Variants in CCDC18 observed in about 807,000 individuals in gnomAD.
CCDC18 encodes the protein coiled-coil domain-containing protein 18.
In CCDC18, 157 loss-of-function variants were observed where a neutral mutation model predicts 196.0. The ratio of observed to expected loss-of-function variants is 0.80; its 90% CI spans 0.70 to 0.91. The LOEUF is 0.91. Ranked by LOEUF, CCDC18 falls within the 40% of genes least tolerant of loss-of-function variation. The pLI is 0.00. For synonymous variants in CCDC18, 482 were observed against 529.2 expected (o/e 0.91, Z 1.22); for missense variants, 1,465 against 1,611.6 (o/e 0.91, Z 1.56).
chr1:93,228,507 TA>T (rs34585083), intron 17 of CCDC18, among the ~76,000 whole-genome samples: 39,190 of 141,590 alleles, frequency 0.28, 7,170 homozygotes, highest in African/African-American at 0.53. Flanking sequence ...CTTAGAAGTT[TA>T]AAAAAAAAAA....
chr1:93,233,900 A>C (rs1050001969), intron 18 of CCDC18, among the ~76,000 whole-genome samples: 2 of 149,530 alleles, frequency 1.3e-5, no homozygotes, highest in Non-Finnish European at 1.5e-5. Context: ...CCTGGCCTCT[A>C]TTTTTTTTCA....
rs181470439 is a variant in CCDC18 at position 93,251,465 on chromosome 1, C to T, written c.3199-3006C>T. ...ATTCCCTTTAGCATTTCTTGTAGGA[C>T]AGGTCTAGTAGCGACAAATTTCCTC... On this transcript the variant is annotated intron_variant, in intron 23 of 28. Coordinates refer to ENST00000690025, the MANE Select transcript of CCDC18 (RefSeq NM_001378204.1). 6.2e-4 allele frequency among the ~76,000 whole-genome samples: 95 copies of T among 152,180 alleles called. 1 individual carries two copies. Among genetic ancestry groups the T allele is most frequent in the African/African-American group, 2.2e-3 (92 of 41,528 alleles).
At position 93,186,495 on chromosome 1, in the gene CCDC18, A is replaced by C; in HGVS notation, c.454A>C (p.Arg152=). 6.3e-7 allele frequency: 1 copy of C among 1,596,170 alleles called. No individual in the cohort carries two copies. Among genetic ancestry groups the C allele is most frequent in the African/African-American group, 1.3e-5 (1 of 74,180 alleles). ...TATTCACTTTGAATTAACACAGTCA[A>C]GAGCAAAAGTATGTATCTTGAAATA... ...ESIHFELTQS[R]AKVSMLESAQ... Residue 152 remains arginine, a synonymous_variant, in exon 4 of 29, where the codon AGA becomes CGA. Transcript: ENST00000690025.
chr1:93,180,336 A>C, upstream of CCDC18: 1 of 1,419,480 alleles, frequency 7.0e-7, no homozygotes, highest in Non-Finnish European at 9.4e-7. Context: ...TGACAGGGAA[A>C]TCTGGAGTCT....
At chr1:93,254,941 C>CTTTTTTTTTTT (rs34139452) in intron 24 of CCDC18, among the ~76,000 whole-genome samples, 2 of 44,268 alleles carry the variant, frequency 4.5e-5, no homozygotes, top group Non-Finnish European at 7.4e-5. Flanking sequence ...GAGGAGTCAG[C>CTTTTTTTTTTT]TTTTTTTTTT....
chr1:93,244,541 TGCC>T (rs1661244092), intron 21 of CCDC18, among the ~76,000 whole-genome samples: 1 of 152,194 alleles, frequency 6.6e-6, no homozygotes, highest in Non-Finnish European at 1.5e-5. Flanking sequence ...GATTAGTGGT[TGCC>T]AGGGACTAGG....
In CCDC18 at chr1:93,234,783, C is replaced by CTTGTTTTGTTTTGTTTTGTTTTGTT. The variant is rs112240098; in HGVS notation, c.2461-1447_2461-1446insTTTTGTTTTGTTTTGTTTTGTTTTG. Among the ~76,000 whole-genome samples, 1,103 of 149,768 alleles carry CTTGTTTTGTTTTGTTTTGTTTTGTT rather than the reference C, an allele frequency of 7.4e-3. 6 individuals carry two copies. Among genetic ancestry groups the CTTGTTTTGTTTTGTTTTGTTTTGTT allele is most frequent in the Non-Finnish European group, 0.012 (828 of 67,688 alleles). Reference sequence around the variant, plus strand: ...GAGGGGTGGATATTAATGGGGTTTTCTTGTTTTGTTTTGTTTTGAGACCGG... The same window carrying CTTGTTTTGTTTTGTTTTGTTTTGTT: ...GAGGGGTGGATATTAATGGGGTTTTCTTGTTTTGTTTTGTTTTGTTTTGTTTTGTTTTGTTTTGTTTTGAGACCGG... On this transcript the variant is annotated intron_variant, in intron 18 of 28. Transcript: ENST00000690025.
chr1:93,207,479 T>G, intron 9 of CCDC18, 81 bp downstream of exon 9: 9 of 988,424 alleles, frequency 9.1e-6, no homozygotes, highest in Non-Finnish European at 1.3e-5. Flanking sequence ...GTGGTTGCTT[T>G]ATTAGCTTCT....
intron 26 of CCDC18, among the ~76,000 whole-genome samples, chr1:93,262,689 G>A (rs1013842835): frequency 2.6e-5 from 4 of 152,230 alleles, no homozygotes; most frequent in Non-Finnish European, 5.9e-5. Context: ...CCAAGTGCAC[G>A]GTGCAAGCTG....
At chr1:93,270,887 T>C in intron 28 of CCDC18, 73 bp downstream of exon 28, 1 of 1,381,062 alleles carries the variant, frequency 7.2e-7, no homozygotes, top group Non-Finnish European at 9.5e-7. Context: ...TGGAAGAAAA[T>C]TCATATATTT....
intron 4 of CCDC18, among the ~76,000 whole-genome samples, chr1:93,189,341 G>A (rs1651315241): frequency 6.6e-6 from 1 of 152,194 alleles, no homozygotes; most frequent in African/African-American, 2.4e-5. Context: ...ACTCCATTGT[G>A]TAAGTACTAC....
Position 93,214,820 on chromosome 1 carries a change from A to C in CCDC18, c.1573A>C (p.Ile525Leu), listed in dbSNP as rs1402737922. 6.2e-7 allele frequency: 1 copy of C among 1,613,450 alleles called. No individual in the cohort carries two copies. Among genetic ancestry groups the C allele is most frequent in the Admixed American group, 1.7e-5 (1 of 60,008 alleles). Residue 525 changes from isoleucine to leucine, a missense_variant, in exon 12 of 29, where the codon ATA becomes CTA. Ile to Leu is a conservative substitution (Grantham distance 5). Transcript: ENST00000690025. The stretch of plus-strand genomic sequence containing the variant: ...AGAGAGGCAAAGACTTGTTACTGGA[A>C]TAGAAGAACTACGTACTAAGCTGAT... The part of the protein sequence containing the change: ...EKERQRLVTG[I>L]EELRTKLIQI...
chr1:93,230,572 T>G lies in CCDC18; in HGVS notation c.2293-1854T>G, dbSNP rs982804861. ...TGTCAGTGTAAGTTTGATAGATATA[T>G]GTTCTATTTTGTAAATATTTGTGAT... is the stretch of plus-strand genomic sequence containing the variant. On this transcript the variant is annotated intron_variant, in intron 17 of 28. Coordinates refer to ENST00000690025, the MANE Select transcript of CCDC18 (RefSeq NM_001378204.1). Among the ~76,000 whole-genome samples, 3 of 152,100 alleles carry G rather than the reference T, an allele frequency of 2.0e-5. No individual in the cohort carries two copies. In the East Asian group the frequency reaches 5.8e-4, roughly 29 times the overall value.
At position 93,193,881 on chromosome 1, in the gene CCDC18, CTATT is replaced by C. The variant is rs1652273656; in HGVS notation, c.698+138_698+141del. ...AAATTAACTTAATGTTCTTTTTTAT[CTATT>C]AATTTTTTTAAATTTTCCATTAAAA... is the stretch of plus-strand genomic sequence containing the variant. On this transcript the variant is annotated intron_variant, in intron 6 of 28. Coordinates refer to ENST00000690025, the MANE Select transcript of CCDC18 (RefSeq NM_001378204.1). 6 of 583,422 alleles carry C rather than the reference CTATT, an allele frequency of 1.0e-5. No homozygotes were observed. In the East Asian group the frequency reaches 1.6e-4, roughly 15 times the overall value. 36.1% of individuals were successfully genotyped at this position (583,422 alleles called of 1,614,324 possible). A position where few individuals can be genotyped will look rare whatever the true frequency, so the allele number is the denominator to read the frequency against.
intron 21 of CCDC18, among the ~76,000 whole-genome samples, chr1:93,240,520 T>C (rs911577539): frequency 5.3e-5 from 8 of 152,072 alleles, no homozygotes; most frequent in Middle Eastern, 3.4e-3. Flanking sequence ...AAAAGGAAAA[T>C]AGAATTACAA....
chr1:93,202,987 T>C (rs1654098503), intron 7 of CCDC18, among the ~76,000 whole-genome samples: 1 of 152,214 alleles, frequency 6.6e-6, no homozygotes. Context: ...GATTGTGATA[T>C]ATCTTTGAAC....
intron 16 of CCDC18, 34 bp from the exon 17 acceptor site, chr1:93,226,298 GT>G (rs34227600): frequency 0.25 from 144,384 of 579,722 alleles, 4,320 homozygotes; most frequent in African/African-American, 0.51. Context: ...ATCGTTTTGT[GT>G]TTTTTTTTTT....
At chr1:93,259,174 C>T (rs1663441641) in intron 26 of CCDC18, among the ~76,000 whole-genome samples, 1 of 151,998 alleles carries the variant, frequency 6.6e-6, no homozygotes, top group African/African-American at 2.4e-5. Context: ...ATAGTATCTA[C>T]CTCATAGAAC....
At chr1:93,265,488 A>G (rs1466917445) in intron 27 of CCDC18, among the ~76,000 whole-genome samples, 1 of 152,254 alleles carries the variant, frequency 6.6e-6, no homozygotes, top group Non-Finnish European at 1.5e-5. Context: ...CTTATATGAG[A>G]TACCACATAT....
Sources: gnomAD v4.1 joint callset for allele counts (sites outside exome capture counted in the v4.1 genomes callset) on GRCh38, gnomAD v4.1.1 for gene constraint, MANE v1.5 for transcripts, NCBI Gene and HGNC (gene_info 2026-07-23, HGNC 2026-07-21) for gene names.